The following HYCC2 variants were observed in gnomAD, a reference collection of about 807,000 sequenced individuals.
HYCC2 encodes the protein hyccin PI4KA lipid kinase complex subunit 2.
At chr2:200,981,824 C>T in the HYCC2 span, 3 of 1,614,008 alleles carry the variant, frequency 1.9e-6, no homozygotes, top group South Asian at 2.2e-5. The surrounding 1 kb of genome is among the most constrained non-coding windows in gnomAD (Gnocchi z 4.5). Flanking sequence ...CCTTCATCTG[C>T]ATCATTCAGG....
the HYCC2 span, among the ~76,000 whole-genome samples, chr2:201,014,044 A>G: frequency 6.6e-6 from 1 of 152,206 alleles, no homozygotes; most frequent in East Asian, 1.9e-4. Context: ...CTAGGGTTAC[A>G]TTTCTGACAT....
the HYCC2 span, among the ~76,000 whole-genome samples, chr2:201,037,525 T>G: frequency 6.6e-6 from 1 of 152,184 alleles, no homozygotes; most frequent in Non-Finnish European, 1.5e-5. Flanking sequence ...AACAGCATGG[T>G]ACTGGTACCA....
the HYCC2 span, among the ~76,000 whole-genome samples, chr2:201,046,445 G>A: frequency 6.6e-6 from 1 of 152,080 alleles, no homozygotes; most frequent in Non-Finnish European, 1.5e-5. Flanking sequence ...ACTTGAAAAG[G>A]GCTAAGGGAG....
the HYCC2 span, among the ~76,000 whole-genome samples, chr2:201,031,702 T>C: frequency 1.3e-5 from 2 of 152,194 alleles, no homozygotes; most frequent in East Asian, 3.8e-4. Flanking sequence ...GGCTTGACTC[T>C]TCTAAAATTA....
At chr2:201,057,023 T>A in the HYCC2 span, among the ~76,000 whole-genome samples, 1 of 152,250 alleles carries the variant, frequency 6.6e-6, no homozygotes, top group African/African-American at 2.4e-5. Flanking sequence ...TGCCCCTGCA[T>A]GAGAACTACT....
chr2:201,063,469 G>C, the HYCC2 span: 1 of 1,591,428 alleles, frequency 6.3e-7, no homozygotes, highest in Non-Finnish European at 8.5e-7. Context: ...ATTTTGAACA[G>C]TATGGAAAAA....
At chr2:201,004,528 T>C in the HYCC2 span, among the ~76,000 whole-genome samples, 2 of 152,168 alleles carry the variant, frequency 1.3e-5, no homozygotes, top group Non-Finnish European at 2.9e-5. Flanking sequence ...GTCCTGCACA[T>C]AGCTGGCAAG....
the HYCC2 span, among the ~76,000 whole-genome samples, chr2:201,050,760 C>T: frequency 2.9e-5 from 4 of 138,622 alleles, no homozygotes; most frequent in Non-Finnish European, 5.9e-5. Flanking sequence ...CATGGTGAAA[C>T]CCCGTCTCTA....
At chr2:201,035,988 CGT>C in the HYCC2 span, among the ~76,000 whole-genome samples, 1 of 151,990 alleles carries the variant, frequency 6.6e-6, no homozygotes, top group African/African-American at 2.4e-5. Context: ...AGTACCCGGC[CGT>C]GTGAGGTGTC....
At chr2:201,028,450 T>A in the HYCC2 span, among the ~76,000 whole-genome samples, 1 of 152,080 alleles carries the variant, frequency 6.6e-6, no homozygotes, top group Non-Finnish European at 1.5e-5. Context: ...TTCACAGAAT[T>A]GGAAAAAAAC....
the HYCC2 span, among the ~76,000 whole-genome samples, chr2:201,069,543 AACACACAC>A: frequency 0.16 from 23,591 of 143,550 alleles, 2,133 homozygotes; most frequent in East Asian, 0.29. Flanking sequence ...CATAAGAAGA[AACACACAC>A]ACACACACAC....
the HYCC2 span, among the ~76,000 whole-genome samples, chr2:201,071,280 C>T: frequency 6.6e-6 from 1 of 152,156 alleles, no homozygotes; most frequent in African/African-American, 2.4e-5. Context: ...GGGCTTTGTG[C>T]AAAGAATCCC....
the HYCC2 span, among the ~76,000 whole-genome samples, chr2:201,053,279 C>T: frequency 6.6e-6 from 1 of 152,092 alleles, no homozygotes; most frequent in Admixed American, 6.6e-5. Context: ...CCCACCACCA[C>T]GCCCAGCTAA....
At chr2:201,017,220 C>A in the HYCC2 span, 2 of 1,425,864 alleles carry the variant, frequency 1.4e-6, no homozygotes, top group Non-Finnish European at 9.4e-7. Flanking sequence ...TTGGTTGTAA[C>A]TGTTGTTTTT....
chr2:201,025,722 G>C, the HYCC2 span, among the ~76,000 whole-genome samples: 1 of 151,748 alleles, frequency 6.6e-6, no homozygotes, highest in Admixed American at 6.6e-5. Flanking sequence ...GGGCACAATG[G>C]GCAAGAGTTG....
the HYCC2 span, chr2:200,974,462 T>G: frequency 6.6e-6 from 1 of 152,080 alleles, no homozygotes; most frequent in South Asian, 2.1e-4. Context: ...CAGAATAATT[T>G]TAGAGTAAGA....
chr2:201,026,241 A>G, the HYCC2 span, among the ~76,000 whole-genome samples: 1 of 152,230 alleles, frequency 6.6e-6, no homozygotes, highest in Non-Finnish European at 1.5e-5. Context: ...TGGTAAAGGG[A>G]TCAATGCAAC....
At chr2:201,037,023 A>T in the HYCC2 span, among the ~76,000 whole-genome samples, 1 of 152,256 alleles carries the variant, frequency 6.6e-6, no homozygotes, top group Non-Finnish European at 1.5e-5. Flanking sequence ...AAATCTCCTT[A>T]AGCTGATAAG....
the HYCC2 span, chr2:200,992,288 G>A: frequency 6.3e-7 from 1 of 1,593,562 alleles, no homozygotes; most frequent in East Asian, 2.2e-5. Flanking sequence ...TACCAATAGT[G>A]GTTGAGAAAA....
Sources: gnomAD v4.1 joint callset for allele counts (sites outside exome capture counted in the v4.1 genomes callset) on GRCh38, gnomAD v4.1.1 for gene constraint, Gnocchi (gnomAD v3.1) non-coding constraint, MANE v1.5 for transcripts, NCBI Gene and HGNC (gene_info 2026-07-23, HGNC 2026-07-21) for gene names.